Variants in STING1 observed in about 807,000 individuals in gnomAD.
STING1 encodes the protein stimulator of interferon response cGAMP interactor 1.
STING1 carries 19 observed loss-of-function variants against 31.6 expected under a neutral mutation model. The observed-to-expected ratio is 0.60, with a 90% CI of 0.42 to 0.88. The LOEUF is 0.88. Among genes scored for constraint, STING1 ranks in the 40% least tolerant of loss-of-function variants. The pLI, the probability that STING1 is intolerant of heterozygous loss-of-function variation, is 0.00. For missense variants in STING1, 371 were observed against 483.7 expected (o/e 0.77, Z 2.19); for synonymous variants, 200 against 208.6 (o/e 0.96, Z 0.35).
rs183148761 is a variant in STING1, at chr5:139,475,807, T to C, written c.*454A>G. 104 of 153,944 alleles carry C rather than the reference T, an allele frequency of 6.8e-4. No homozygotes were observed. The highest frequency in any genetic ancestry group is 1.1e-3 in the Non-Finnish European group (77 of 69,138). The allele number at this position is 153,944 out of a possible 1,614,324, so 9.5% of individuals were successfully genotyped here. The stretch of plus-strand genomic sequence containing the variant: ...CTCCTCCTCCTCTCCATTCTTCTGC[T>C]GGGGCTCCCCAATAATGGAACATGA... On this transcript the variant is annotated 3_prime_UTR_variant, in exon 8 of 8. Coordinates refer to ENST00000330794, the MANE Select transcript of STING1 (RefSeq NM_198282.4).
chr5:139,476,301 C>T lies in STING1; in HGVS notation c.1100G>A (p.Gly367Glu), dbSNP rs747724298. 6.2e-6 allele frequency: 10 copies of T among 1,607,904 alleles called. No homozygotes were observed. The East Asian group carries it at 2.2e-4, about 36-fold the overall frequency. The part of the protein sequence containing the change: ...MSQEPELLIS[G>E]MEKPLPLRTD... ...GCGGAGAGGGAGGGGCTTTTCCATT[C>T]CACTGATGAGGAGCTCAGGCTCTTG... is the stretch of plus-strand genomic sequence containing the variant. Residue 367 changes from glycine to glutamate, a missense_variant, in exon 8 of 8, where the codon GGA (glycine) becomes GAA (glutamate). Gly to Glu is a moderately conservative substitution (Grantham distance 98). Coordinates refer to ENST00000330794, the MANE Select transcript of STING1 (RefSeq NM_198282.4).
Position 139,481,426 on chromosome 5 carries a change from A to C in STING1, c.227+52T>G. ...TCAAGGAGGGGCAGGGCTAGGCATC[A>C]AGGGAGTGACACACGTTGGATACCC... On this transcript the variant is annotated intron_variant, in intron 3 of 7. Coordinates refer to ENST00000330794, the MANE Select transcript of STING1 (RefSeq NM_198282.4). The surrounding 1 kb of genome is among the most constrained non-coding windows in gnomAD (Gnocchi z 4.1). The C allele has an allele frequency of 6.3e-7, 1 of 1,597,724 alleles. No homozygotes were observed. The highest frequency in any genetic ancestry group is 1.1e-5 in the South Asian group (1 of 89,082).
chr5:139,480,624 C>T (rs773251238), intron 5 of STING1, among the ~76,000 whole-genome samples, 166 bp downstream of exon 5: 1 of 152,186 alleles, frequency 6.6e-6, no homozygotes, highest in Non-Finnish European at 1.5e-5. Context: ...TTTCTGCAAA[C>T]TAGGCATCAT....
intron 5 of STING1, 160 bp from the exon 6 acceptor site, chr5:139,478,668 C>T (rs1004609953): frequency 4.4e-5 from 29 of 660,482 alleles, no homozygotes; most frequent in Non-Finnish European, 6.7e-5. Flanking sequence ...GCAGCGCCTC[C>T]AAAAGCCCTC....
intron 5 of STING1, among the ~76,000 whole-genome samples, chr5:139,480,530 G>A (rs891722629): frequency 6.6e-6 from 1 of 152,124 alleles, no homozygotes; most frequent in African/African-American, 2.4e-5. Flanking sequence ...GGGCGACAGA[G>A]GGAGATTCCT....
Position 139,477,310 on chromosome 5 carries a change from C to A in STING1, c.946+19G>T, listed in dbSNP as rs772016984. ...CCTGCCCTCCAGCCTATCAACCCCT[C>A]ACCCTACCAACCCCTCACCCTGGTA... On this transcript the variant is annotated intron_variant, in intron 7 of 7. Transcript: ENST00000330794. The A allele has an allele frequency of 1.1e-5, 17 of 1,611,102 alleles. No individual in the cohort carries two copies. The highest frequency in any genetic ancestry group is 1.9e-4 in the Middle Eastern group (1 of 5,404).
Position 139,476,206 on chromosome 5 carries a change from C to T in STING1, c.*55G>A. ...TGGACATTCAGCCACTGAAGAGAGC[C>T]CCCAGTCCAGAGGCTTGGAGACCAC... On this transcript the variant is annotated 3_prime_UTR_variant, in exon 8 of 8. Coordinates refer to ENST00000330794, the MANE Select transcript of STING1 (RefSeq NM_198282.4). The T allele has an allele frequency of 1.9e-5, 27 of 1,400,370 alleles. No homozygotes were observed. The highest frequency in any genetic ancestry group is 2.6e-5 in the Non-Finnish European group (27 of 1,023,906). The allele number at this position is 1,400,370 out of a possible 1,614,324, so 86.7% of individuals were successfully genotyped here.
Position 139,481,473 on chromosome 5 carries a change from G to T in STING1, c.227+5C>A, listed in dbSNP as rs778840358. The T allele has an allele frequency of 6.2e-7, 1 of 1,613,076 alleles. No individual in the cohort carries two copies. Among genetic ancestry groups the T allele is most frequent in the South Asian group, 1.1e-5 (1 of 91,020 alleles). On this transcript the variant is annotated splice_donor_5th_base_variant and intron_variant, in intron 3 of 7. Coordinates refer to ENST00000330794, the MANE Select transcript of STING1 (RefSeq NM_198282.4). The surrounding 1 kb of genome is among the most constrained non-coding windows in gnomAD (Gnocchi z 4.1). ...ACCCCGTCCCTGGGTACTGCAGTGA[G>T]TCACCTGGAGTGGATGTGGCGCAGC...
chr5:139,481,672 C>G lies in STING1; in HGVS notation c.33G>C (p.Pro11=), dbSNP rs149842998. ...TCTGGGCCCCGTGACCCCTGGGACA[C>G]GGGATGGATGGATGCAGGCTGGAGT... The part of the protein sequence containing the change: MPHSSLHPSI[P]CPRGHGAQKA... Residue 11 remains proline, a synonymous_variant, in exon 3 of 8, where the codon CCG becomes CCC. Coordinates refer to ENST00000330794, the MANE Select transcript of STING1 (RefSeq NM_198282.4). The surrounding 1 kb of genome is among the most constrained non-coding windows in gnomAD (Gnocchi z 4.1). 1.2e-6 allele frequency: 2 copies of G among 1,609,526 alleles called. No homozygotes were observed. The highest frequency in any genetic ancestry group is 1.3e-5 in the African/African-American group (1 of 74,790).
At chr5:139,478,196 C>T in intron 6 of STING1, 74 bp downstream of exon 6, 2 of 1,160,886 alleles carry the variant, frequency 1.7e-6, no homozygotes, top group Non-Finnish European at 2.5e-6. Context: ...GAATTTTCAT[C>T]AGTGCTTGGC....
At position 139,476,333 on chromosome 5, in the gene STING1, C is replaced by T. The variant is rs112829463; in HGVS notation, c.1068G>A (p.Thr356=). Residue 356 remains threonine, a synonymous_variant, in exon 8 of 8, where the codon ACG becomes ACA. Coordinates refer to ENST00000330794, the MANE Select transcript of STING1 (RefSeq NM_198282.4). ...TGAGGAGCTCAGGCTCTTGGGACAT[C>T]GTGGAGGTACTGGGCACCGCTGAGG... ...LKTSAVPSTS[T]MSQEPELLIS... is the part of the protein sequence containing the mutation. 17 of 1,612,108 alleles carry T rather than the reference C, an allele frequency of 1.1e-5. No homozygotes were observed. The highest frequency in any genetic ancestry group is 5.3e-5 in the African/African-American group (4 of 74,842).
chr5:139,476,238 C>A lies in STING1; in HGVS notation c.*23G>T. The A allele has an allele frequency of 6.5e-7, 1 of 1,549,646 alleles. No individual in the cohort carries two copies. Among genetic ancestry groups the A allele is most frequent in the Admixed American group, 2.0e-5 (1 of 51,240 alleles). On this transcript the variant is annotated 3_prime_UTR_variant, in exon 8 of 8. Coordinates refer to ENST00000330794, the MANE Select transcript of STING1 (RefSeq NM_198282.4). The stretch of plus-strand genomic sequence containing the variant: ...CCAGAGGCTTGGAGACCACTGGAGG[C>A]TCTGGCCTGGTGACCCTGGGTCTCA...
Position 139,481,375 on chromosome 5 carries a change from C to T in STING1, c.228-33G>A, listed in dbSNP as rs765525665. 35 of 1,579,790 alleles carry T rather than the reference C, an allele frequency of 2.2e-5. 1 individual carries two copies. The South Asian group carries it at 3.6e-4, about 16-fold the overall frequency. On this transcript the variant is annotated intron_variant, in intron 3 of 7. Transcript: ENST00000330794. The surrounding 1 kb of genome is among the most constrained non-coding windows in gnomAD (Gnocchi z 4.1). Reference sequence around the variant, plus strand: ...TGACAGCCAGACCCCAGACCCCAGCCCCCAGCCCAGCTCAGCCAGAGAGGT... The same window carrying T: ...TGACAGCCAGACCCCAGACCCCAGCTCCCAGCCCAGCTCAGCCAGAGAGGT...
Position 139,481,643 on chromosome 5 carries a change from G to T in STING1, c.62C>A (p.Ala21Glu). Residue 21 changes from alanine to glutamate, a missense_variant, in exon 3 of 8, where the codon GCA becomes GAA. Transcript: ENST00000330794. The surrounding 1 kb of genome is among the most constrained non-coding windows in gnomAD (Gnocchi z 4.1). ...GCAGGCACTCAGCAGAACCAAGGCT[G>T]CCTTCTGGGCCCCGTGACCCCTGGG... ...PCPRGHGAQK[A>E]ALVLLSACLV... 6.2e-7 allele frequency: 1 copy of T among 1,611,952 alleles called. No individual in the cohort carries two copies. The highest frequency in any genetic ancestry group is 8.5e-7 in the Non-Finnish European group (1 of 1,178,696).
chr5:139,481,655 C>T lies in STING1; in HGVS notation c.50G>A (p.Gly17Glu), dbSNP rs774780171. The T allele has an allele frequency of 9.9e-6, 16 of 1,611,146 alleles. No homozygotes were observed. Among genetic ancestry groups the T allele is most frequent in the Non-Finnish European group, 1.4e-5 (16 of 1,178,258 alleles). Residue 17 changes from glycine to glutamate, a missense_variant, in exon 3 of 8, where the codon GGG becomes GAG. Physicochemically the swap from Gly to Glu is moderately conservative, Grantham distance 98. Transcript: ENST00000330794. This position sits in a 1 kb window ranked among gnomAD's most constrained non-coding sequence, Gnocchi z 4.1. The part of the protein sequence containing the change: ...HPSIPCPRGH[G>E]AQKAALVLLS... Reference sequence around the variant, plus strand: ...CAGAACCAAGGCTGCCTTCTGGGCCCCGTGACCCCTGGGACACGGGATGGA... The same window carrying T: ...CAGAACCAAGGCTGCCTTCTGGGCCTCGTGACCCCTGGGACACGGGATGGA...
At position 139,480,918 on chromosome 5, in the gene STING1, G is replaced by C. The variant is rs1431223203; in HGVS notation, c.412-20C>G. ...CAGGCCCTGTGGACAGCAGGATGTG[G>C]CTGGGGGGCCTCCATCAAGGACACC... On this transcript the variant is annotated intron_variant, in intron 4 of 7. Transcript: ENST00000330794. 6.3e-7 allele frequency: 1 copy of C among 1,581,936 alleles called. No individual in the cohort carries two copies. The highest frequency in any genetic ancestry group is 1.3e-5 in the African/African-American group (1 of 74,322).
intron 5 of STING1, 98 bp from the exon 6 acceptor site, chr5:139,478,606 GC>G: frequency 9.4e-7 from 1 of 1,060,162 alleles, no homozygotes; most frequent in Non-Finnish European, 1.4e-6. Flanking sequence ...GTGTGTGGGT[GC>G]CAGAGAATGG....
Position 139,476,300 on chromosome 5 carries a change from T to A in STING1, c.1101A>T (p.Gly367=). The A allele has an allele frequency of 6.2e-7, 1 of 1,607,710 alleles. No homozygotes were observed. The highest frequency in any genetic ancestry group is 8.5e-7 in the Non-Finnish European group (1 of 1,177,602). ...TGCGGAGAGGGAGGGGCTTTTCCAT[T>A]CCACTGATGAGGAGCTCAGGCTCTT... is the stretch of plus-strand genomic sequence containing the variant. The part of the protein sequence containing the change: ...MSQEPELLIS[G]MEKPLPLRTD... The change falls in exon 8 of 8, where the codon GGA becomes GGT. Residue 367 remains glycine (G), a synonymous_variant. Transcript: ENST00000330794.
At chr5:139,478,606 G>A in intron 5 of STING1, 98 bp from the exon 6 acceptor site, 1 of 1,060,166 alleles carries the variant, frequency 9.4e-7, no homozygotes, top group Non-Finnish European at 1.4e-6. Flanking sequence ...GTGTGTGGGT[G>A]CCAGAGAATG....
Sources: allele counts gnomAD v4.1 joint callset (sites outside exome capture counted in the v4.1 genomes callset), GRCh38; gene constraint gnomAD v4.1.1; non-coding constraint Gnocchi (gnomAD v3.1); transcripts MANE v1.5; gene names NCBI Gene and HGNC (gene_info 2026-07-23, HGNC 2026-07-21).